LSG1: variants seen among roughly 807,000 people sequenced by gnomAD.
LSG1 encodes the protein large 60S subunit nuclear export GTPase 1.
LSG1 carries 55 observed loss-of-function variants against 82.6 expected under a neutral mutation model. The ratio of observed to expected loss-of-function variants is 0.67; its 90% CI spans 0.54 to 0.83. LSG1 has a LOEUF of 0.83. LSG1 is among the 40% of genes least tolerant of loss of function. The probability of loss-of-function intolerance (pLI) is 0.00; values close to 1 mark genes in which losing one functional copy is unlikely to be tolerated. For missense variants in LSG1, 809 were observed against 807.9 expected (o/e 1.00, Z -0.02); for synonymous variants, 272 against 282.5 (o/e 0.96, Z 0.37).
intron 5 of LSG1, among the ~76,000 whole-genome samples, 181 bp downstream of exon 5, chr3:194,665,376 A>G (rs1223079918): frequency 6.6e-6 from 1 of 152,240 alleles, no homozygotes; most frequent in Admixed American, 6.5e-5. Flanking sequence ...CAACATATTC[A>G]TCTAACAACA....
chr3:194,643,719 T>A (rs56653377), intron 13 of LSG1, among the ~76,000 whole-genome samples: 6,358 of 152,154 alleles, frequency 0.042, 430 homozygotes, highest in African/African-American at 0.15. Context: ...AGAGACGAAA[T>A]CCATGTCTCC....
At chr3:194,662,866 C>T (rs1718962138) in intron 5 of LSG1, among the ~76,000 whole-genome samples, 2 of 152,186 alleles carry the variant, frequency 1.3e-5, no homozygotes, top group African/African-American at 4.8e-5. Context: ...AAACTGACCC[C>T]TGCCCAGGCA....
intron 12 of LSG1, among the ~76,000 whole-genome samples, chr3:194,645,730 T>C (rs975348004): frequency 1.3e-5 from 2 of 152,126 alleles, no homozygotes; most frequent in African/African-American, 2.4e-5. Flanking sequence ...AAAGGAGAAA[T>C]AGTAATCTCA....
rs1447180029 is a variant in LSG1, at chr3:194,642,073, T to G, written c.1972A>C (p.Met658Leu). 6.2e-7 allele frequency: 1 copy of G among 1,612,154 alleles called. No individual in the cohort carries two copies. Among genetic ancestry groups the G allele is most frequent in the Non-Finnish European group, 8.5e-7 (1 of 1,179,926 alleles). ...ATTTCTGTTGCAGCCCAACCTCACA[T>G]ATCCAGGTGCTTGTAGAGTCTACGA... ...KSRRLYKHLD[M>L] Residue 658 changes from methionine to leucine, a missense_variant, in exon 14 of 14, where the codon ATG becomes CTG. Physicochemically the swap from Met to Leu is conservative, Grantham distance 15. Transcript: ENST00000265245.
chr3:194,672,156 G>A lies in LSG1; in HGVS notation c.7C>T (p.Arg3Trp), dbSNP rs202080616. Residue 3 changes from arginine to tryptophan, a missense_variant, in exon 1 of 14, where the codon CGG (arginine) becomes TGG (tryptophan). By Grantham distance (101) the Arg-to-Trp change is moderately radical (BLOSUM62 -3). Transcript: ENST00000265245. Reference sequence around the variant, plus strand: ...GACCCACCGGCCGGGGCTCTCCTCCGGCCCATGGCAACACGACCGCTGGAC... The same window carrying A: ...GACCCACCGGCCGGGGCTCTCCTCCAGCCCATGGCAACACGACCGCTGGAC... Reference protein sequence around the residue: MGRRRAPAGGSLG... With the variant: MGWRRAPAGGSLG... The A allele has an allele frequency of 1.3e-4, 203 of 1,601,750 alleles. No individual in the cohort carries two copies. Among genetic ancestry groups the A allele is most frequent in the Non-Finnish European group, 1.6e-4 (190 of 1,179,006 alleles).
intron 12 of LSG1, chr3:194,645,531 GACAGACACACACACACACACACACAC>G (rs1560219621): frequency 1.1e-4 from 4 of 35,118 alleles, no homozygotes; most frequent in South Asian, 1.0e-3. Flanking sequence ...CACACACACA[GACAGACACACACACACACACACACAC>G]ACACACACAC....
At chr3:194,670,392 A>G (rs554520902) in intron 1 of LSG1, among the ~76,000 whole-genome samples, 1 of 152,368 alleles carries the variant, frequency 6.6e-6, no homozygotes, top group Admixed American at 6.5e-5. Flanking sequence ...TGATGAAACT[A>G]AGGCTTCAGC....
intron 11 of LSG1, among the ~76,000 whole-genome samples, chr3:194,646,926 A>T (rs1033615643): frequency 6.6e-6 from 1 of 152,232 alleles, no homozygotes; most frequent in Non-Finnish European, 1.5e-5. Context: ...TTACTGAATG[A>T]TGTACCTACA....
At position 194,646,164 on chromosome 3, in the gene LSG1, A is replaced by G. The variant is rs777553349; in HGVS notation, c.1623T>C (p.Ser541=). The change falls in exon 12 of 14, where the codon AGT becomes AGC. Residue 541 remains serine (S), a splice_region_variant and synonymous_variant. Coordinates refer to ENST00000265245, the MANE Select transcript of LSG1 (RefSeq NM_018385.3). ...SARYILKDYV[S]GKLLYCHPPP... ...AGCATGAGAGGCAGGGTTCACTTACACTGACATAGTCCTTCAGGATGTAGC... is the reference window on the plus strand; with the variant it reads ...AGCATGAGAGGCAGGGTTCACTTACGCTGACATAGTCCTTCAGGATGTAGC... The G allele has an allele frequency of 4.3e-6, 7 of 1,613,704 alleles. No individual in the cohort carries two copies. The highest frequency in any genetic ancestry group is 5.9e-6 in the Non-Finnish European group (7 of 1,179,676).
Position 194,652,839 on chromosome 3 carries a change from T to C in LSG1, c.1063A>G (p.Arg355Gly), listed in dbSNP as rs1718704368. Residue 355 changes from arginine (R) to glycine (G), a missense_variant, in exon 8 of 14, where the codon AGG becomes GGG. By Grantham distance (125) the Arg-to-Gly change is moderately radical. Coordinates refer to ENST00000265245, the MANE Select transcript of LSG1 (RefSeq NM_018385.3). ...AGATGGCTAAAATTGTGTATCTGCC[T>C]CTTCTGTGGGGTTTTCCTGCTCCGA... ...EARSRKTPQK[R>G]QIHNFSHLVS... 1.2e-6 allele frequency: 2 copies of C among 1,614,038 alleles called. No individual in the cohort carries two copies. Among genetic ancestry groups the C allele is most frequent in the Admixed American group, 1.7e-5 (1 of 59,994 alleles).
At position 194,652,918 on chromosome 3, in the gene LSG1, C is replaced by A; in HGVS notation, c.984G>T (p.Lys328Asn). 1 of 1,614,122 alleles carries A rather than the reference C, an allele frequency of 6.2e-7. No homozygotes were observed. The highest frequency in any genetic ancestry group is 1.1e-5 in the South Asian group (1 of 91,080). ...WQTCSEEDGP[K>N]EEDCSQDWKE... is the part of the protein sequence containing the mutation. ...TCCAGTCCTGGCTGCAGTCCTCTTC[C>A]TTGGGACCGTCTTCTTCTGAGCACG... Residue 328 changes from lysine to asparagine, a missense_variant, in exon 8 of 14, where the codon AAG becomes AAT. Coordinates refer to ENST00000265245, the MANE Select transcript of LSG1 (RefSeq NM_018385.3).
Position 194,651,246 on chromosome 3 carries a change from T to C in LSG1, c.1174-30A>G, listed in dbSNP as rs61358167. The C allele has an allele frequency of 8.7e-3, 12,487 of 1,442,538 alleles. 873 individuals are homozygous for C. In the African/African-American group the frequency reaches 0.16, roughly 18 times the overall value. The allele number at this position is 1,442,538 out of a possible 1,614,324, so 89.4% of individuals were successfully genotyped here. On this transcript the variant is annotated intron_variant, in intron 8 of 13. Coordinates refer to ENST00000265245, the MANE Select transcript of LSG1 (RefSeq NM_018385.3). ...AAGAGACTCAGAAGTTACCAAACAGTAAAACAGTACATCTATCAAAAGACT... is the reference window on the plus strand; with the variant it reads ...AAGAGACTCAGAAGTTACCAAACAGCAAAACAGTACATCTATCAAAAGACT...
chr3:194,671,792 C>A, intron 1 of LSG1: 1 of 498,312 alleles, frequency 2.0e-6, no homozygotes, highest in Non-Finnish European at 3.5e-6. Context: ...GGGCAAAACC[C>A]AAACGTACTC....
Position 194,642,226 on chromosome 3 carries a change from T to C in LSG1, c.1819A>G (p.Lys607Glu). Residue 607 changes from lysine to glutamate, a missense_variant, in exon 14 of 14, where the codon AAA (lysine) becomes GAA (glutamate). By Grantham distance (56) the Lys-to-Glu change is moderately conservative. Transcript: ENST00000265245. ...FHQENVRALT[K>E]GVQAVMGYKP... is the part of the protein sequence containing the mutation. ...TAACCCATCACAGCCTGGACTCCTT[T>C]GGTCAAAGCCCTCACATTCTCCTAG... 1.2e-6 allele frequency: 2 copies of C among 1,613,578 alleles called. No individual in the cohort carries two copies. The highest frequency in any genetic ancestry group is 1.7e-6 in the Non-Finnish European group (2 of 1,179,868).
chr3:194,660,930 CT>C (rs765751628), intron 5 of LSG1: 9 of 456,154 alleles, frequency 2.0e-5, no homozygotes, highest in South Asian at 1.4e-4. Flanking sequence ...AGGCTCCTCC[CT>C]TCCTTCAGCC....
chr3:194,666,633 C>A, intron 2 of LSG1, 61 bp from the exon 3 acceptor site: 2 of 1,424,344 alleles, frequency 1.4e-6, no homozygotes, highest in South Asian at 2.6e-5. Context: ...AGTGTTTGGT[C>A]ATACTGATAA....
At chr3:194,650,593 C>G (rs1718653941) in intron 10 of LSG1, 1 of 280,440 alleles carries the variant, frequency 3.6e-6, no homozygotes, top group East Asian at 7.9e-5. Flanking sequence ...GAAGGTTAAG[C>G]AAGTTTTCCA....
chr3:194,665,986 GA>G (rs1719021923), intron 4 of LSG1, among the ~76,000 whole-genome samples: 1 of 152,216 alleles, frequency 6.6e-6, no homozygotes, highest in African/African-American at 2.4e-5. Flanking sequence ...AAAAGGCCCG[GA>G]ACTGAGCAGA....
At chr3:194,658,301 C>T (rs1366382143) in intron 7 of LSG1, among the ~76,000 whole-genome samples, 1 of 152,094 alleles carries the variant, frequency 6.6e-6, no homozygotes, top group African/African-American at 2.4e-5. Flanking sequence ...GCACCCGCCA[C>T]CATGCCCGGC....
Sources: allele counts gnomAD v4.1 joint callset (sites outside exome capture counted in the v4.1 genomes callset), GRCh38; gene constraint gnomAD v4.1.1; transcripts MANE v1.5; gene names NCBI Gene and HGNC (gene_info 2026-07-23, HGNC 2026-07-21).